CRPPA: variants seen among roughly 807,000 people sequenced by gnomAD.
CRPPA encodes the protein D-ribitol-5-phosphate cytidylyltransferase.
A neutral mutation model predicts 52.0 loss-of-function variants in CRPPA; 43 were observed. That is an observed-to-expected ratio of 0.83 (90% CI 0.65 to 1.07). The LOEUF (loss-of-function observed/expected upper bound fraction) is 1.07. Among genes scored for constraint, CRPPA ranks in the 50% least tolerant of loss-of-function variants. The pLI is 0.00. For missense variants in CRPPA, 629 were observed against 551.7 expected, an observed-to-expected ratio of 1.14 and a Z score of -1.40; for synonymous variants, 250 against 203.5, an observed-to-expected ratio of 1.23 and a Z score of -1.94.
intron 9 of CRPPA, among the ~76,000 whole-genome samples, chr7:16,148,861 G>C (rs1483661023): frequency 1.3e-5 from 2 of 152,102 alleles, no homozygotes; most frequent in African/African-American, 4.8e-5. Context: ...TGAGCTGATG[G>C]ATATGCTAAT....
chr7:16,101,731 A>C (rs1782049794), intron 9 of CRPPA, among the ~76,000 whole-genome samples: 1 of 152,006 alleles, frequency 6.6e-6, no homozygotes, highest in Non-Finnish European at 1.5e-5. Flanking sequence ...TTCAAAGAGA[A>C]TAGAATACAA....
At chr7:16,124,666 T>C (rs1782541644) in intron 9 of CRPPA, among the ~76,000 whole-genome samples, 1 of 152,116 alleles carries the variant, frequency 6.6e-6, no homozygotes, top group African/African-American at 2.4e-5. Context: ...TAACTATAAC[T>C]AACAATAATC....
chr7:16,295,543 C>T (rs1015447374), intron 5 of CRPPA, among the ~76,000 whole-genome samples: 2 of 151,998 alleles, frequency 1.3e-5, no homozygotes, highest in Admixed American at 6.6e-5. Flanking sequence ...TAAAAGTACT[C>T]TTTAGCCACA....
At chr7:16,274,559 A>C (rs7805187) in intron 6 of CRPPA, among the ~76,000 whole-genome samples, 1 of 151,920 alleles carries the variant, frequency 6.6e-6, no homozygotes, top group Non-Finnish European at 1.5e-5. Context: ...TCATTAAAAA[A>C]AAATAAAAAG....
intron 8 of CRPPA, among the ~76,000 whole-genome samples, chr7:16,230,204 T>C (rs1016552585): frequency 3.9e-5 from 6 of 152,300 alleles, no homozygotes; most frequent in South Asian, 2.1e-4. Context: ...AAAACAATTG[T>C]TACTATTTAA....
At chr7:16,236,938 T>C (rs1384161844) in intron 8 of CRPPA, among the ~76,000 whole-genome samples, 1 of 128,934 alleles carries the variant, frequency 7.8e-6, no homozygotes, top group East Asian at 2.3e-4. Flanking sequence ...CTTTAAGAGC[T>C]TTCGTGCGCG....
At position 16,199,721 on chromosome 7, in the gene CRPPA, G is replaced by C. The variant is rs188218753; in HGVS notation, c.1251+16345C>G. 4.5e-4 allele frequency among the ~76,000 whole-genome samples: 68 copies of C among 152,042 alleles called. No individual in the cohort carries two copies. In the Middle Eastern group the frequency reaches 0.02, roughly 46 times the overall value. ...ACTTGAAGTATCTTTACACTGGCTA[G>C]AGAATTCACTACAGCAAATTCCTTA... is the stretch of plus-strand genomic sequence containing the variant. On this transcript the variant is annotated intron_variant, in intron 9 of 9. Transcript: ENST00000407010.
chr7:16,209,052 G>C, intron 9 of CRPPA: 1 of 427,260 alleles, frequency 2.3e-6, no homozygotes, highest in South Asian at 1.9e-5. Context: ...TGTATGCCCA[G>C]GGGAAGTGGT....
intron 2 of CRPPA, among the ~76,000 whole-genome samples, chr7:16,392,333 T>C (rs1350136067): frequency 6.6e-6 from 1 of 152,142 alleles, no homozygotes; most frequent in Non-Finnish European, 1.5e-5. Flanking sequence ...CAGAATATTA[T>C]ATCATCACCC....
chr7:16,223,866 T>C (rs1302941241), intron 8 of CRPPA, among the ~76,000 whole-genome samples: 1 of 151,270 alleles, frequency 6.6e-6, no homozygotes, highest in Non-Finnish European at 1.5e-5. Flanking sequence ...TGCTTATAGA[T>C]ACACATCAAG....
At chr7:16,310,059 A>C (rs1411632829) in intron 3 of CRPPA, among the ~76,000 whole-genome samples, 1 of 152,230 alleles carries the variant, frequency 6.6e-6, no homozygotes, top group Non-Finnish European at 1.5e-5. Flanking sequence ...CAGGTGGAAC[A>C]AATACAAAGC....
intron 8 of CRPPA, among the ~76,000 whole-genome samples, chr7:16,240,600 CAT>C (rs1491044764): frequency 1.4e-5 from 2 of 146,568 alleles, no homozygotes; most frequent in Non-Finnish European, 3.1e-5. Context: ...CACACACACA[CAT>C]TCACACACAC....
chr7:16,270,239 C>T (rs956484678), intron 6 of CRPPA: 5 of 151,968 alleles, frequency 3.3e-5, no homozygotes, highest in African/African-American at 7.3e-5. Context: ...CATTTCTAAG[C>T]GGACAAGATG....
At chr7:16,384,560 G>C (rs1428025499) in intron 2 of CRPPA, among the ~76,000 whole-genome samples, 1 of 152,182 alleles carries the variant, frequency 6.6e-6, no homozygotes, top group African/African-American at 2.4e-5. Flanking sequence ...TTAACAGCTA[G>C]GTGAGATATC....
rs113998005 is a variant in CRPPA, at chr7:16,396,830, C to T, written c.534+9231G>A. 9.3e-3 allele frequency among the ~76,000 whole-genome samples: 1,419 copies of T among 152,294 alleles called. 27 individuals are homozygous for T. The highest frequency in any genetic ancestry group is 0.033 in the African/African-American group (1,367 of 41,554). On this transcript the variant is annotated intron_variant, in intron 2 of 9. Transcript: ENST00000407010. ...GATGTGTGGCATGTGTGATGGAATA[C>T]GCTATACGTATGTGACACGTAATGG...
At chr7:16,150,537 G>A (rs1362703593) in intron 9 of CRPPA, among the ~76,000 whole-genome samples, 1 of 152,104 alleles carries the variant, frequency 6.6e-6, no homozygotes, top group Non-Finnish European at 1.5e-5. Context: ...CATCAAAAAT[G>A]TGATATGAAA....
At chr7:16,199,992 G>C (rs1781815468) in intron 9 of CRPPA, among the ~76,000 whole-genome samples, 1 of 151,678 alleles carries the variant, frequency 6.6e-6, no homozygotes, top group African/African-American at 2.4e-5. Flanking sequence ...TGAGTAGCTG[G>C]GATTAGAGAC....
chr7:16,334,956 G>A (rs1015794778), intron 3 of CRPPA, among the ~76,000 whole-genome samples: 1 of 151,930 alleles, frequency 6.6e-6, no homozygotes, highest in Non-Finnish European at 1.5e-5. Context: ...CACAAATAAA[G>A]CTCCAGTAAT....
chr7:16,110,891 A>G (rs1188477220), intron 9 of CRPPA, among the ~76,000 whole-genome samples: 3 of 152,084 alleles, frequency 2.0e-5, no homozygotes, highest in African/African-American at 7.2e-5. Flanking sequence ...ATGATTTCTC[A>G]GATTGGACTA....
Sources: gnomAD v4.1 joint callset for allele counts (sites outside exome capture counted in the v4.1 genomes callset) on GRCh38, gnomAD v4.1.1 for gene constraint, MANE v1.5 for transcripts, NCBI Gene and HGNC (gene_info 2026-07-23, HGNC 2026-07-21) for gene names.